PDE1A: variants seen among roughly 807,000 people sequenced by gnomAD.
PDE1A encodes dual specificity calcium/calmodulin-dependent 3',5'-cyclic nucleotide phosphodiesterase 1A.
PDE1A carries 35 observed loss-of-function variants against 61.7 expected under a neutral mutation model. The ratio of observed to expected loss-of-function variants is 0.57; its 90% CI spans 0.43 to 0.75. The LOEUF (loss-of-function observed/expected upper bound fraction) is 0.75. PDE1A is among the 30% of genes least tolerant of loss of function. The pLI is 0.00. For missense variants in PDE1A, 597 were observed against 630.6 expected (o/e 0.95, Z 0.57); for synonymous variants, 232 against 213.2 (o/e 1.09, Z -0.77).
chr2:182,349,566 A>C (rs548714265), intron 1 of PDE1A, among the ~76,000 whole-genome samples: 9 of 152,326 alleles, frequency 5.9e-5, no homozygotes, highest in Non-Finnish European at 8.8e-5. Context: ...TCTGATTAGA[A>C]AGATTAAGAT....
intron 2 of PDE1A, among the ~76,000 whole-genome samples, chr2:182,471,074 A>T (rs1274011071): frequency 6.6e-6 from 1 of 151,750 alleles, no homozygotes. Context: ...AGTGAACTAA[A>T]TTTTTTAAGT....
chr2:182,372,829 T>C (rs770653577), intron 1 of PDE1A, among the ~76,000 whole-genome samples: 1 of 152,106 alleles, frequency 6.6e-6, no homozygotes, highest in Non-Finnish European at 1.5e-5. Flanking sequence ...GAGAAAAGGC[T>C]CAAACACCAA....
chr2:182,382,029 A>G (rs959341810), intron 1 of PDE1A, among the ~76,000 whole-genome samples: 3 of 152,080 alleles, frequency 2.0e-5, no homozygotes, highest in Non-Finnish European at 4.4e-5. Context: ...TTAAGTTTTG[A>G]CAATAAACAA....
At chr2:182,343,796 T>A (rs1489249066) in intron 1 of PDE1A, among the ~76,000 whole-genome samples, 1 of 152,108 alleles carries the variant, frequency 6.6e-6, no homozygotes, top group East Asian at 1.9e-4. Flanking sequence ...TCGACCATAT[T>A]TTATCTCTGT....
the PDE1A span, among the ~76,000 whole-genome samples, chr2:182,631,467 T>A: frequency 8.2e-4 from 125 of 152,282 alleles, no homozygotes; most frequent in Non-Finnish European, 5.3e-4. Flanking sequence ...AATGCCACAT[T>A]AGGGAAAGCC....
At chr2:182,223,325 G>A (rs1240359770) in intron 7 of PDE1A, among the ~76,000 whole-genome samples, 1 of 151,962 alleles carries the variant, frequency 6.6e-6, no homozygotes, top group Non-Finnish European at 1.5e-5. Flanking sequence ...GTGGTATTTT[G>A]TTATGGCAGC....
At chr2:182,355,977 C>G (rs1432035488) in intron 1 of PDE1A, among the ~76,000 whole-genome samples, 1 of 152,166 alleles carries the variant, frequency 6.6e-6, no homozygotes, top group Non-Finnish European at 1.5e-5. Context: ...ATAGGAAAGT[C>G]TAAGTTGGAT....
At chr2:182,212,822 C>T (rs572575487) in intron 7 of PDE1A, among the ~76,000 whole-genome samples, 22 of 152,290 alleles carry the variant, frequency 1.4e-4, no homozygotes, top group African/African-American at 5.3e-4. Context: ...AACTGCAAGG[C>T]GGCAGGGAGG....
intron 2 of PDE1A, among the ~76,000 whole-genome samples, chr2:182,463,265 A>G (rs1436711348): frequency 1.3e-5 from 2 of 151,390 alleles, no homozygotes; most frequent in Non-Finnish European, 2.9e-5. Context: ...TAAATAAAAT[A>G]AAATAATAAA....
At chr2:182,140,953 T>A (rs1424065729) in exon 15 of PDE1A, 2 of 149,976 alleles carry the variant, frequency 1.3e-5, no homozygotes, top group African/African-American at 2.5e-5. Context: ...AACTTTTTTT[T>A]CTTTTTTTTT....
rs569628857 is a variant in PDE1A at position 182,437,744 on chromosome 2, T to C, written c.101+84532A>G. On this transcript the variant is annotated intron_variant, in intron 2 of 14. Transcript: ENST00000410103. Reference sequence around the variant, plus strand: ...CTTGTAAGGTTGGGTCCATCTAATATGATTCACTTTGATTCTTTCTCTCTG... The same window carrying C: ...CTTGTAAGGTTGGGTCCATCTAATACGATTCACTTTGATTCTTTCTCTCTG... 2.0e-5 allele frequency among the ~76,000 whole-genome samples: 3 copies of C among 152,098 alleles called. No individual in the cohort carries two copies. The South Asian group carries it at 6.2e-4, about 32-fold the overall frequency.
At chr2:182,261,406 CTAAG>C (rs1265975075) in intron 2 of PDE1A, among the ~76,000 whole-genome samples, 1 of 152,046 alleles carries the variant, frequency 6.6e-6, no homozygotes, top group Non-Finnish European at 1.5e-5. Flanking sequence ...GATAATGAAA[CTAAG>C]AGCCCTTTGA....
chr2:182,643,798 T>C, the PDE1A span, among the ~76,000 whole-genome samples: 1 of 152,044 alleles, frequency 6.6e-6, no homozygotes, highest in Non-Finnish European at 1.5e-5. Flanking sequence ...ATGAAAGAAT[T>C]GATATGAAGG....
At chr2:182,525,278 T>G (rs1292180115), upstream of PDE1A, among the ~76,000 whole-genome samples, 1 of 152,188 alleles carries the variant, frequency 6.6e-6, no homozygotes, top group Non-Finnish European at 1.5e-5. Flanking sequence ...ATTCAATAGA[T>G]TTTAGTGACA....
chr2:182,358,746 T>C (rs833148), intron 1 of PDE1A, among the ~76,000 whole-genome samples: 8,512 of 152,218 alleles, frequency 0.056, 286 homozygotes, highest in Admixed American at 0.083. Flanking sequence ...TTGATTCTCA[T>C]AACAGTCCTA....
the PDE1A span, among the ~76,000 whole-genome samples, chr2:182,585,545 C>A: frequency 2.0e-5 from 3 of 152,130 alleles, no homozygotes; most frequent in African/African-American, 7.2e-5. Flanking sequence ...TAGTCTATAA[C>A]CACCTTTAAG....
the PDE1A span, among the ~76,000 whole-genome samples, chr2:182,604,562 C>T: frequency 6.6e-6 from 1 of 152,162 alleles, no homozygotes; most frequent in East Asian, 1.9e-4. Context: ...GAAAGTTTAT[C>T]GAAAAAGACA....
At chr2:182,281,196 A>G (rs1263630105) in intron 1 of PDE1A, among the ~76,000 whole-genome samples, 2 of 151,938 alleles carry the variant, frequency 1.3e-5, no homozygotes, top group East Asian at 1.9e-4. Flanking sequence ...TTTTAGCATT[A>G]ATTTTGTGTT....
the PDE1A span, among the ~76,000 whole-genome samples, chr2:182,559,998 G>A: frequency 1.3e-5 from 2 of 152,020 alleles, no homozygotes; most frequent in East Asian, 3.9e-4. Flanking sequence ...GTAGTTTGTG[G>A]GGGAAGAGAA....
Sources: allele counts gnomAD v4.1 joint callset (sites outside exome capture counted in the v4.1 genomes callset), GRCh38; gene constraint gnomAD v4.1.1; transcripts MANE v1.5; gene names NCBI Gene and HGNC (gene_info 2026-07-23, HGNC 2026-07-21).